Variants in ST3GAL6 observed in about 807,000 individuals in gnomAD.
ST3GAL6 encodes type 2 lactosamine alpha-2,3-sialyltransferase.
Under a neutral mutation model 40.5 loss-of-function variants are expected in ST3GAL6, and 31 were observed. The ratio of observed to expected loss-of-function variants is 0.77; its 90% CI spans 0.58 to 1.03. ST3GAL6 has a LOEUF of 1.03. Ranked by LOEUF, ST3GAL6 falls within the 50% of genes least tolerant of loss-of-function variation. ST3GAL6 has a pLI of 0.00. For missense variants in ST3GAL6, 357 were observed against 393.2 expected (o/e 0.91, Z 0.78); for synonymous variants, 129 against 136.9 (o/e 0.94, Z 0.40).
intron 1 of ST3GAL6, chr3:98,756,351 C>G: frequency 1.6e-6 from 2 of 1,289,016 alleles, no homozygotes; most frequent in South Asian, 2.5e-5. Flanking sequence ...AACATACTAT[C>G]TTTATGTTTT....
chr3:98,767,640 G>A (rs1012768806), intron 1 of ST3GAL6, among the ~76,000 whole-genome samples: 38 of 152,310 alleles, frequency 2.5e-4, no homozygotes, highest in Admixed American at 1.4e-3. Context: ...AATTACATAA[G>A]ACAATGGAAA....
chr3:98,766,587 A>AT lies in ST3GAL6; in HGVS notation c.-11-1836dup, dbSNP rs751700956. On this transcript the variant is annotated intron_variant, in intron 1 of 9. Coordinates refer to ENST00000483910, the MANE Select transcript of ST3GAL6 (RefSeq NM_001323368.2). ...AGGTGCCTGCCATCACGCCCGGCTA[A>AT]TTTTTTTGCATTTTTAGTAGAGACG... Among the ~76,000 whole-genome samples, 20 of 151,394 alleles carry AT rather than the reference A, an allele frequency of 1.3e-4. 1 individual carries two copies. The highest frequency in any genetic ancestry group is 7.4e-5 in the Non-Finnish European group (5 of 67,908).
At chr3:98,782,190 G>A (rs1348254746) in intron 5 of ST3GAL6, 1 of 689,946 alleles carries the variant, frequency 1.4e-6, no homozygotes, top group African/African-American at 1.8e-5. Context: ...CTAGAGTTAT[G>A]TTACTTTCTT....
intron 5 of ST3GAL6, among the ~76,000 whole-genome samples, chr3:98,776,923 A>G (rs1423844126): frequency 2.6e-5 from 4 of 152,340 alleles, no homozygotes; most frequent in Middle Eastern, 3.4e-3. Flanking sequence ...GGAAAACTCA[A>G]AATATCAGTT....
rs369717938 is a variant in ST3GAL6, at chr3:98,772,875, G to A, written c.230G>A (p.Gly77Asp). The change falls in exon 4 of 10, where the codon GGT becomes GAT. Residue 77 changes from glycine (G) to aspartate (D), a missense_variant. Transcript: ENST00000483910. ...TTTAGAAAGATTGCTTCCTTGTATG[G>A]TAGCGATAAGTTTGATTTGCCCTAT... ...ADFRKIASLY[G>D]SDKFDLPYGM... is the part of the protein sequence containing the mutation. 28 of 1,612,878 alleles carry A rather than the reference G, an allele frequency of 1.7e-5. No individual in the cohort carries two copies. The highest frequency in any genetic ancestry group is 2.4e-5 in the Non-Finnish European group (28 of 1,179,258).
chr3:98,745,842 C>G (rs1440250193), intron 1 of ST3GAL6, among the ~76,000 whole-genome samples: 1 of 152,078 alleles, frequency 6.6e-6, no homozygotes, highest in Non-Finnish European at 1.5e-5. Flanking sequence ...AAACAGTACA[C>G]TTTGTAGTTC....
rs1941509297 is a variant in ST3GAL6, at chr3:98,795,165, G to T, written c.*1404G>T. On this transcript the variant is annotated 3_prime_UTR_variant, in exon 10 of 10. Coordinates refer to ENST00000483910, the MANE Select transcript of ST3GAL6 (RefSeq NM_001323368.2). ...GAAACAGAAAAATAGAGGTTATAAGGATGGAACTAAAAGTTGTCAGAAGAG... is the reference window on the plus strand; with the variant it reads ...GAAACAGAAAAATAGAGGTTATAAGTATGGAACTAAAAGTTGTCAGAAGAG... 6.6e-6 allele frequency: 1 copy of T among 152,140 alleles called. No individual in the cohort carries two copies. Among genetic ancestry groups the T allele is most frequent in the Admixed American group, 6.5e-5 (1 of 15,276 alleles). 9.4% of individuals were successfully genotyped at this position (152,140 alleles called of 1,614,324 possible). A position where few individuals can be genotyped will look rare whatever the true frequency, so the allele number is the denominator to read the frequency against.
rs200197733 is a variant in ST3GAL6, at chr3:98,763,434, A to G, written c.-17A>G. 1.6e-6 allele frequency: 2 copies of G among 1,289,708 alleles called. No homozygotes were observed. Among genetic ancestry groups the G allele is most frequent in the East Asian group, 5.6e-5 (1 of 18,002 alleles). 79.9% of individuals were successfully genotyped at this position (1,289,708 alleles called of 1,614,324 possible). A position where few individuals can be genotyped will look rare whatever the true frequency, so the allele number is the denominator to read the frequency against. ...GTCAGCAGGGCCACCTGGTAAAGGT[A>G]TGGAGGTGAGCCATGAACAAGGTTA... On this transcript the variant is annotated 5_prime_UTR_variant, in exon 1 of 10. The change abolishes an upstream ATG in the 5' untranslated region. Transcript: ENST00000483910.
At position 98,732,469 on chromosome 3, in the gene ST3GAL6, G is replaced by A. The variant is rs568639382; in HGVS notation, c.-75G>A. On this transcript the variant is annotated 5_prime_UTR_variant, in exon 1 of 10. Transcript: ENST00000265261. ...GCCGCCTTTCCTCGTCCCTCCCTTCGCGGTGATTTTCCGGTCCCGGCGCCC... is the reference window on the plus strand; with the variant it reads ...GCCGCCTTTCCTCGTCCCTCCCTTCACGGTGATTTTCCGGTCCCGGCGCCC... 1.7e-4 allele frequency: 31 copies of A among 181,180 alleles called. 1 individual carries two copies. In the South Asian group the frequency reaches 4.2e-3, roughly 25 times the overall value. The allele number at this position is 181,180 out of a possible 1,614,324, so 11.2% of individuals were successfully genotyped here. A position where few individuals can be genotyped will look rare whatever the true frequency, so the allele number is the denominator to read the frequency against.
intron 6 of ST3GAL6, among the ~76,000 whole-genome samples, chr3:98,786,955 A>AGTGTGTGTGT (rs60592978): frequency 0.085 from 12,501 of 147,310 alleles, 647 homozygotes; most frequent in African/African-American, 0.1. Context: ...ATCTGGGATA[A>AGTGTGTGTGT]GTGTGTGTGT....
intron 1 of ST3GAL6, among the ~76,000 whole-genome samples, chr3:98,738,298 G>A (rs765239348): frequency 8.6e-5 from 13 of 150,618 alleles, no homozygotes; most frequent in Non-Finnish European, 1.3e-4. Flanking sequence ...TTTTTGGATA[G>A]GGTCTCACTC....
At chr3:98,771,105 C>G in intron 3 of ST3GAL6, 149 bp downstream of exon 3, 4 of 1,516,532 alleles carry the variant, frequency 2.6e-6, no homozygotes, top group Non-Finnish European at 3.5e-6. Context: ...TATCCTGTCT[C>G]TTTTTGTGCT....
Position 98,768,458 on chromosome 3 carries a change from G to T in ST3GAL6, c.18G>T (p.Val6=). ...AGCCAGCCATGAGAGGGTATCTTGT[G>T]GCCATATTCCTGAGTGCTGTCTTCC... The part of the protein sequence containing the change: MRGYL[V]AIFLSAVFLY... Residue 6 remains valine (V), a synonymous_variant, in exon 2 of 10, where the codon GTG becomes GTT. Coordinates refer to ENST00000483910, the MANE Select transcript of ST3GAL6 (RefSeq NM_001323368.2). 6.2e-7 allele frequency: 1 copy of T among 1,613,792 alleles called. No individual in the cohort carries two copies. The highest frequency in any genetic ancestry group is 8.5e-7 in the Non-Finnish European group (1 of 1,179,788).
intron 1 of ST3GAL6, among the ~76,000 whole-genome samples, chr3:98,741,924 A>C (rs1356824550): frequency 6.6e-6 from 1 of 152,156 alleles, no homozygotes; most frequent in Non-Finnish European, 1.5e-5. Flanking sequence ...ATTCTGTATG[A>C]AGTTTGATAG....
chr3:98,789,827 A>G (rs759368940), intron 8 of ST3GAL6, among the ~76,000 whole-genome samples: 7 of 152,198 alleles, frequency 4.6e-5, no homozygotes, highest in Non-Finnish European at 1.0e-4. Context: ...TAATTCCAAA[A>G]GCACAGGAAG....
chr3:98,755,172 G>C (rs1186112712), intron 1 of ST3GAL6, among the ~76,000 whole-genome samples: 3 of 152,046 alleles, frequency 2.0e-5, no homozygotes, highest in African/African-American at 7.2e-5. Flanking sequence ...TCAGCTTCCT[G>C]GGTAGCTGGG....
At chr3:98,763,173 A>T (rs1937970689), upstream of ST3GAL6, 1 of 1,196,820 alleles carries the variant, frequency 8.4e-7, no homozygotes, top group African/African-American at 1.6e-5. Flanking sequence ...GACCAAAAAA[A>T]ATCTAGACAT....
chr3:98,775,116 G>A (rs968912566), intron 5 of ST3GAL6, among the ~76,000 whole-genome samples: 1 of 152,076 alleles, frequency 6.6e-6, no homozygotes, highest in African/African-American at 2.4e-5. Flanking sequence ...TGTTACACTT[G>A]GTAAATGCCA....
upstream of ST3GAL6, among the ~76,000 whole-genome samples, chr3:98,762,478 T>G (rs1937896480): frequency 6.6e-6 from 1 of 152,182 alleles, no homozygotes; most frequent in Non-Finnish European, 1.5e-5. Flanking sequence ...AATCTATATG[T>G]GCTGTTTTTT....
Sources: allele counts gnomAD v4.1 joint callset (sites outside exome capture counted in the v4.1 genomes callset), GRCh38; gene constraint gnomAD v4.1.1; transcripts MANE v1.5; gene names NCBI Gene and HGNC (gene_info 2026-07-23, HGNC 2026-07-21).